JAKMIP2: variants seen among roughly 807,000 people sequenced by gnomAD.
JAKMIP2 encodes janus kinase and microtubule-interacting protein 2.
A neutral mutation model predicts 115.0 loss-of-function variants in JAKMIP2; 25 were observed. The observed-to-expected ratio is 0.22, with a 90% confidence interval of 0.16 to 0.30. The LOEUF is 0.30. JAKMIP2 is among the 10% of genes least tolerant of loss of function. JAKMIP2 has a pLI of 1.00. For missense variants in JAKMIP2, 642 were observed against 957.6 expected (o/e 0.67, Z 4.35); for synonymous variants, 334 against 343.6 (o/e 0.97, Z 0.31).
At chr5:147,600,646 G>A (rs553241400) in intron 21 of JAKMIP2, among the ~76,000 whole-genome samples, 56 of 152,082 alleles carry the variant, frequency 3.7e-4, no homozygotes, top group Admixed American at 2.4e-3. Context: ...CTATTTGGCC[G>A]GCCATCAGAA....
chr5:147,686,010 T>C (rs2288826), intron 1 of JAKMIP2, among the ~76,000 whole-genome samples: 69,906 of 152,020 alleles, frequency 0.46, 17,821 homozygotes, highest in African/African-American at 0.68. Context: ...GACAACCAGC[T>C]GAAGCTAGGA....
rs188710745 is a variant in JAKMIP2, at chr5:147,761,320, G to T, written c.-149+21136C>A. Reference sequence around the variant, plus strand: ...TTCCTATGTGCCAAAATTGTTATAAGAATTTTATAAATAATGTATTTAATA... The same window carrying T: ...TTCCTATGTGCCAAAATTGTTATAATAATTTTATAAATAATGTATTTAATA... On this transcript the variant is annotated intron_variant, in intron 1 of 21. Transcript: ENST00000616793. 2.6e-3 allele frequency among the ~76,000 whole-genome samples: 403 copies of T among 152,094 alleles called. 1 individual carries two copies. The highest frequency in any genetic ancestry group is 9.3e-3 in the African/African-American group (385 of 41,494).
intron 16 of JAKMIP2, 27 bp downstream of exon 16, chr5:147,628,724 A>C: frequency 6.3e-7 from 1 of 1,589,162 alleles, no homozygotes; most frequent in Non-Finnish European, 8.6e-7. Context: ...CACCGAGATG[A>C]TTTGAAATGT....
chr5:147,636,429 G>C, intron 11 of JAKMIP2, 145 bp from the exon 12 acceptor site: 2 of 625,940 alleles, frequency 3.2e-6, no homozygotes, highest in Non-Finnish European at 5.6e-6. Context: ...ACCCCTGCCA[G>C]CTCCTTCAAA....
chr5:147,701,679 T>C (rs1468528404), intron 1 of JAKMIP2, among the ~76,000 whole-genome samples: 1 of 152,182 alleles, frequency 6.6e-6, no homozygotes, highest in African/African-American at 2.4e-5. Context: ...CAAATTTGAA[T>C]AGGCAATGCA....
chr5:147,731,689 T>A (rs1753739818), intron 1 of JAKMIP2, among the ~76,000 whole-genome samples: 1 of 152,150 alleles, frequency 6.6e-6, no homozygotes. Flanking sequence ...GGATTTAGAG[T>A]CTCTGCAAGC....
At chr5:147,666,627 G>A (rs1025239583) in intron 2 of JAKMIP2, among the ~76,000 whole-genome samples, 1 of 152,180 alleles carries the variant, frequency 6.6e-6, no homozygotes, top group Non-Finnish European at 1.5e-5. Context: ...TAAGAACAAT[G>A]TAAAGAAGAC....
chr5:147,655,065 G>A (rs940009476), intron 3 of JAKMIP2, among the ~76,000 whole-genome samples: 2 of 152,180 alleles, frequency 1.3e-5, no homozygotes, highest in Non-Finnish European at 2.9e-5. Context: ...ACTTGATCAT[G>A]GTGGATAAGC....
At position 147,661,412 on chromosome 5, in the gene JAKMIP2, C is replaced by T; in HGVS notation, c.163G>A (p.Ala55Thr). The T allele has an allele frequency of 6.2e-7, 1 of 1,612,884 alleles. No individual in the cohort carries two copies. The highest frequency in any genetic ancestry group is 8.5e-7 in the Non-Finnish European group (1 of 1,179,720). The change falls in exon 3 of 22, where the codon GCG becomes ACG. Residue 55 changes from alanine (A) to threonine (T), a missense_variant. This residue lies in a region of JAKMIP2 where 439 missense variants were observed against 570.9 expected (regional missense o/e 0.77). Coordinates refer to ENST00000616793, the MANE Select transcript of JAKMIP2 (RefSeq NM_001270941.2). ...SKLEREKTQE[A>T]KRIRELEQRK... ...TGCTCCAGCTCACGAATCCTCTTCG[C>T]TTCTTGAGTCTTCTCTCTTTCAAGC...
intron 20 of JAKMIP2, among the ~76,000 whole-genome samples, chr5:147,603,642 T>G (rs1167984898): frequency 6.6e-6 from 1 of 152,208 alleles, no homozygotes; most frequent in Non-Finnish European, 1.5e-5. Context: ...AGAAGTCAAC[T>G]GGATTGTTTT....
intron 20 of JAKMIP2, among the ~76,000 whole-genome samples, chr5:147,611,227 G>C (rs533699173): frequency 6.6e-6 from 1 of 152,236 alleles, no homozygotes; most frequent in East Asian, 1.9e-4. Flanking sequence ...GTGCCACTGG[G>C]GTATGAAATA....
At chr5:147,741,008 T>C (rs996761891) in intron 1 of JAKMIP2, among the ~76,000 whole-genome samples, 4 of 152,098 alleles carry the variant, frequency 2.6e-5, no homozygotes, top group African/African-American at 9.7e-5. Context: ...TCGCCTCATA[T>C]CATATTGGCC....
chr5:147,712,830 A>G (rs1200053400), intron 1 of JAKMIP2, among the ~76,000 whole-genome samples: 1 of 152,212 alleles, frequency 6.6e-6, no homozygotes, highest in Non-Finnish European at 1.5e-5. Context: ...TTTTACTGCA[A>G]ACACAGACGT....
In JAKMIP2 at chr5:147,627,678, T is replaced by TAAAAAAAAAAAAAAAAAAAAAAA. The variant is rs768481105; in HGVS notation, c.1995+1050_1995+1072dup. On this transcript the variant is annotated intron_variant, in intron 16 of 21. Transcript: ENST00000616793. ...ATCTCTAACAGATAAAGCCTTTCTG[T>TAAAAAAAAAAAAAAAAAAAAAAA]AAAAAAAAAAAAAAAAAAAAAAAAA... Among the ~76,000 whole-genome samples the TAAAAAAAAAAAAAAAAAAAAAAA allele has an allele frequency of 2.8e-5, 2 of 70,322 alleles. 1 individual carries two copies. The highest frequency in any genetic ancestry group is 1.1e-4 in the African/African-American group (2 of 17,644). 46.1% of individuals were successfully genotyped at this position (70,322 alleles called of 152,430 possible).
At chr5:147,652,098 A>G (rs1245931753) in intron 3 of JAKMIP2, among the ~76,000 whole-genome samples, 3 of 152,118 alleles carry the variant, frequency 2.0e-5, no homozygotes, top group African/African-American at 7.2e-5. Flanking sequence ...ATCTTTCACT[A>G]TATTCAGGGT....
intron 1 of JAKMIP2, among the ~76,000 whole-genome samples, chr5:147,715,383 A>G (rs1752935680): frequency 6.6e-6 from 1 of 151,800 alleles, no homozygotes; most frequent in Admixed American, 6.6e-5. Context: ...AAAAATAACC[A>G]AACAGAAATC....
At chr5:147,691,860 CTG>C (rs2126862126) in intron 1 of JAKMIP2, among the ~76,000 whole-genome samples, 1 of 152,194 alleles carries the variant, frequency 6.6e-6, no homozygotes, top group South Asian at 2.1e-4. Flanking sequence ...CTTTTTGCTC[CTG>C]TGTTTCCCTG....
chr5:147,766,371 A>G (rs1755157546), intron 1 of JAKMIP2, among the ~76,000 whole-genome samples: 1 of 152,212 alleles, frequency 6.6e-6, no homozygotes, highest in South Asian at 2.1e-4. Context: ...GGAAAAAAAT[A>G]AGTGATGTTT....
At chr5:147,771,848 T>C (rs1755369375) in intron 1 of JAKMIP2, among the ~76,000 whole-genome samples, 1 of 152,090 alleles carries the variant, frequency 6.6e-6, no homozygotes, top group African/African-American at 2.4e-5. Flanking sequence ...ATATTTTCTA[T>C]TTTGAGGGTC....
Sources: allele counts gnomAD v4.1 joint callset (sites outside exome capture counted in the v4.1 genomes callset), GRCh38; gene constraint gnomAD v4.1.1; regional missense constraint gnomAD v4.1.1; transcripts MANE v1.5; gene names NCBI Gene and HGNC (gene_info 2026-07-23, HGNC 2026-07-21).